The following ANGPTL6 variants were observed in gnomAD, a reference collection of about 807,000 sequenced individuals.
ANGPTL6 encodes angiopoietin like 6, also known as angiopoietin-related protein 6.
A neutral mutation model predicts 47.4 loss-of-function variants in ANGPTL6; 45 were observed. The observed-to-expected ratio is 0.95, with a 90% CI of 0.75 to 1.22. The LOEUF is 1.22. ANGPTL6 is among the 50% of genes most tolerant of loss of function. The pLI, the probability that ANGPTL6 is intolerant of heterozygous loss-of-function variation, is 0.00. For missense variants in ANGPTL6, 698 were observed against 669.4 expected, an observed-to-expected ratio of 1.04 and a Z score of -0.47; for synonymous variants, 290 against 295.9, an observed-to-expected ratio of 0.98 and a Z score of 0.20.
rs1485298077 is a variant in ANGPTL6, at chr19:10,096,514, G to A, written c.50C>T (p.Ala17Val). 1.3e-6 allele frequency: 2 copies of A among 1,513,726 alleles called. No individual in the cohort carries two copies. Among genetic ancestry groups the A allele is most frequent in the Admixed American group, 2.1e-5 (1 of 48,490 alleles). The allele number at this position is 1,513,726 out of a possible 1,614,324, so 93.8% of individuals were successfully genotyped here. ...CGGGGCGCCCGCCCGCGCCCACGAC[G>A]CGCCCAGCAGGAGCAGCAGCTGTAG... is the stretch of plus-strand genomic sequence containing the variant. ...RALQLLLLLG[A>V]SWARAGAPRC... Residue 17 changes from alanine (A) to valine (V), a missense_variant, in exon 2 of 6, where the codon GCG becomes GTG. By Grantham distance (64) the Ala-to-Val change is moderately conservative. Transcript: ENST00000253109.
At position 10,096,124 on chromosome 19, in the gene ANGPTL6, G is replaced by A. The variant is rs758344483; in HGVS notation, c.440C>T (p.Ser147Phe). ...ALLGERVLNA[S>F]AEAQRAAARF... is the part of the protein sequence containing the mutation. ...GGCGGCTGCGCGCTGAGCCTCGGCG[G>A]ACGCGTTGAGCACGCGCTCCCCGAG... Residue 147 changes from serine (S) to phenylalanine (F), a missense_variant, in exon 2 of 6, where the codon TCC becomes TTC. Ser to Phe is a radical substitution (Grantham distance 155). Coordinates refer to ENST00000253109, the MANE Select transcript of ANGPTL6 (RefSeq NM_031917.3). 2 of 1,451,408 alleles carry A rather than the reference G, an allele frequency of 1.4e-6. No individual in the cohort carries two copies. Among genetic ancestry groups the A allele is most frequent in the East Asian group, 5.6e-5 (2 of 35,736 alleles). 89.9% of individuals were successfully genotyped at this position (1,451,408 alleles called of 1,614,324 possible). A position where few individuals can be genotyped will look rare whatever the true frequency, so the allele number is the denominator to read the frequency against.
rs2145174604 is a variant in ANGPTL6, at chr19:10,096,487, C to A, written c.77G>T (p.Arg26Leu). 1 of 1,512,246 alleles carries A rather than the reference C, an allele frequency of 6.6e-7. No homozygotes were observed. The highest frequency in any genetic ancestry group is 1.4e-5 in the African/African-American group (1 of 70,224). 93.7% of individuals were successfully genotyped at this position (1,512,246 alleles called of 1,614,324 possible). The part of the protein sequence containing the change: ...GASWARAGAP[R>L]CTYTFVLPPQ... ...GGGCAGCACGAAGGTGTAGGTGCAG[C>A]GCGGGGCGCCCGCCCGCGCCCACGA... The change falls in exon 2 of 6, where the codon CGC becomes CTC. Residue 26 changes from arginine (R) to leucine (L), a missense_variant. Transcript: ENST00000253109.
rs2088411037 is a variant in ANGPTL6, at chr19:10,092,438, G to T, written c.*151C>A. ...AAGATATTGACGGGGGGGATTCCTG[G>T]GTCCCATTTTCAGCGCCCAGGGTCA... On this transcript the variant is annotated 3_prime_UTR_variant, in exon 6 of 6. Transcript: ENST00000253109. The T allele has an allele frequency of 6.6e-7, 1 of 1,522,438 alleles. No homozygotes were observed. The highest frequency in any genetic ancestry group is 1.4e-5 in the African/African-American group (1 of 71,382). 94.3% of individuals were successfully genotyped at this position (1,522,438 alleles called of 1,614,324 possible).
rs138536720 is a variant in ANGPTL6, at chr19:10,092,700, G to A, written c.1302C>T (p.His434=). The A allele has an allele frequency of 6.4e-5, 104 of 1,613,968 alleles. No individual in the cohort carries two copies. Among genetic ancestry groups the A allele is most frequent in the Non-Finnish European group, 6.9e-5 (81 of 1,179,912 alleles). ...GGTAGCGGCTTCGGTAGTGGCCGCCGTGGTGCCACACACCGTTGAGGTTGG... is the reference window on the plus strand; with the variant it reads ...GGTAGCGGCTTCGGTAGTGGCCGCCATGGTGCCACACACCGTTGAGGTTGG... The part of the protein sequence containing the change: ...AHSNLNGVWH[H]GGHYRSRYQD... The change falls in exon 6 of 6, where the codon CAC becomes CAT. Residue 434 remains histidine, a synonymous_variant. Transcript: ENST00000253109.
At chr19:10,105,177 G>A (rs1045132626), upstream of ANGPTL6, among the ~76,000 whole-genome samples, 3 of 152,228 alleles carry the variant, frequency 2.0e-5, no homozygotes, top group Non-Finnish European at 2.9e-5. Context: ...GGAAATGGTC[G>A]TCCCAGATCT....
intron 4 of ANGPTL6, 24 bp downstream of exon 4, chr19:10,093,669 C>G (rs1240233332): frequency 6.2e-7 from 1 of 1,613,376 alleles, no homozygotes; most frequent in African/African-American, 1.3e-5. Context: ...CTCCCCTTCC[C>G]TGCCTCTGCC....
At chr19:10,093,914 T>C in intron 3 of ANGPTL6, 34 bp from the exon 4 acceptor site, 1 of 1,597,106 alleles carries the variant, frequency 6.3e-7, no homozygotes, top group Non-Finnish European at 8.5e-7. Context: ...AGGCACAGCC[T>C]GGGCTGACCA....
chr19:10,092,801 A>G, intron 5 of ANGPTL6, 22 bp from the exon 6 acceptor site: 1 of 1,567,554 alleles, frequency 6.4e-7, no homozygotes. Flanking sequence ...GAGAGAGTCC[A>G]TGTCCTCTCA....
chr19:10,095,549 C>T (rs1197756349), intron 2 of ANGPTL6, among the ~76,000 whole-genome samples: 1 of 152,198 alleles, frequency 6.6e-6, no homozygotes, highest in Non-Finnish European at 1.5e-5. Context: ...CAGTATCTAA[C>T]TTACTGACTC....
Position 10,092,531 on chromosome 19 carries a change from A to G in ANGPTL6, c.*58T>C. 6.5e-7 allele frequency: 1 copy of G among 1,547,942 alleles called. No homozygotes were observed. The highest frequency in any genetic ancestry group is 8.7e-7 in the Non-Finnish European group (1 of 1,143,496). On this transcript the variant is annotated 3_prime_UTR_variant, in exon 6 of 6. Coordinates refer to ENST00000253109, the MANE Select transcript of ANGPTL6 (RefSeq NM_031917.3). ...GCCACAAAGAAGGTGTGGCCAGAAC[A>G]ACTTGGGCTCCTGCTGACCAATGTC...
At chr19:10,102,992 T>C (rs1000907135), upstream of ANGPTL6, among the ~76,000 whole-genome samples, 2 of 151,794 alleles carry the variant, frequency 1.3e-5, no homozygotes, top group African/African-American at 4.8e-5. Flanking sequence ...AAGAGGAACA[T>C]CACTGGGGAC....
At position 10,094,861 on chromosome 19, in the gene ANGPTL6, C is replaced by T. The variant is rs1320405633; in HGVS notation, c.660G>A (p.Leu220=). The T allele has an allele frequency of 1.9e-6, 3 of 1,614,112 alleles. No homozygotes were observed. Among genetic ancestry groups the T allele is most frequent in the Admixed American group, 3.3e-5 (2 of 60,006 alleles). ...VGSTSDTSRM[L]DPAPEPQRDQ... Reference sequence around the variant, plus strand: ...CTCTCTGGGGCTCTGGGGCTGGGTCCAGCATCCTACTGGTGTCACTGGTGC... The same window carrying T: ...CTCTCTGGGGCTCTGGGGCTGGGTCTAGCATCCTACTGGTGTCACTGGTGC... The change falls in exon 3 of 6, where the codon CTG becomes CTA. Residue 220 remains leucine, a synonymous_variant. Transcript: ENST00000253109.
At chr19:10,101,492 G>A (rs2088676607) in intron 1 of ANGPTL6, among the ~76,000 whole-genome samples, 1 of 152,060 alleles carries the variant, frequency 6.6e-6, no homozygotes, top group African/African-American at 2.4e-5. Flanking sequence ...AGGTGCAAAG[G>A]CCCGGAGATT....
chr19:10,103,628 A>AAAT (rs902901531), upstream of ANGPTL6, among the ~76,000 whole-genome samples: 29 of 145,020 alleles, frequency 2.0e-4, no homozygotes, highest in African/African-American at 2.5e-4. Flanking sequence ...AATAAATAAT[A>AAAT]AATAAATAAT....
intron 1 of ANGPTL6, among the ~76,000 whole-genome samples, chr19:10,097,381 CAAAA>C (rs2088573878): frequency 7.9e-6 from 1 of 126,172 alleles, no homozygotes; most frequent in East Asian, 2.3e-4. Flanking sequence ...GACTCTGTCT[CAAAA>C]GAAAAAAAAA....
intron 1 of ANGPTL6, among the ~76,000 whole-genome samples, chr19:10,099,321 A>T (rs1266605429): frequency 6.6e-6 from 1 of 152,170 alleles, no homozygotes; most frequent in African/African-American, 2.4e-5. Context: ...TCACGCCTGT[A>T]ATCCCAGCAC....
intron 2 of ANGPTL6, 87 bp downstream of exon 2, chr19:10,095,895 A>G: frequency 1.2e-6 from 1 of 864,220 alleles, no homozygotes; most frequent in Non-Finnish European, 1.5e-6. Context: ...GGTTTTGCGG[A>G]TTTCAGAACT....
upstream of ANGPTL6, among the ~76,000 whole-genome samples, chr19:10,104,249 G>T (rs1255895815): frequency 6.6e-6 from 1 of 151,706 alleles, no homozygotes; most frequent in Non-Finnish European, 1.5e-5. Context: ...CTGATATCCT[G>T]GACAGTATTC....
chr19:10,092,987 C>T (rs1455641164), intron 5 of ANGPTL6: 1 of 505,898 alleles, frequency 2.0e-6, no homozygotes, highest in East Asian at 3.1e-5. Context: ...TCCCTATCTC[C>T]TTACCAAAGT....
Sources: gnomAD v4.1 joint callset for allele counts (sites outside exome capture counted in the v4.1 genomes callset) on GRCh38, gnomAD v4.1.1 for gene constraint, MANE v1.5 for transcripts, NCBI Gene and HGNC (gene_info 2026-07-23, HGNC 2026-07-21) for gene names.